The following IFT140 variants were observed in gnomAD, a reference collection of about 807,000 sequenced individuals.
IFT140 encodes intraflagellar transport protein 140 homolog.
IFT140 carries 133 observed loss-of-function variants against 164.6 expected under a neutral mutation model. The observed-to-expected ratio is 0.81, with a 90% CI of 0.70 to 0.93. IFT140 has a LOEUF of 0.93. IFT140 is among the 40% of genes least tolerant of loss of function. The pLI is 0.00. For synonymous variants in IFT140, 860 were observed against 817.3 expected, an observed-to-expected ratio of 1.05 and a Z score of -0.89; for missense variants, 2,045 against 1,972.3, an observed-to-expected ratio of 1.04 and a Z score of -0.70.
chr16:1,515,218 T>C (rs2141118300), intron 30 of IFT140, among the ~76,000 whole-genome samples: 2 of 152,030 alleles, frequency 1.3e-5, no homozygotes, highest in South Asian at 4.2e-4. Flanking sequence ...TGAAAACACC[T>C]AGGAACATCA....
chr16:1,596,501 G>C (rs1024615362), intron 4 of IFT140, among the ~76,000 whole-genome samples: 9 of 152,198 alleles, frequency 5.9e-5, no homozygotes, highest in Admixed American at 5.2e-4. Context: ...CTGCTGCTCT[G>C]GGGGAAGAGG....
At chr16:1,563,681 T>C (rs2033551225) in intron 17 of IFT140, among the ~76,000 whole-genome samples, 1 of 152,114 alleles carries the variant, frequency 6.6e-6, no homozygotes, top group Non-Finnish European at 1.5e-5. Context: ...GAGGTTACAG[T>C]GACGCTGCCA....
At chr16:1,586,514 G>A (rs1260720078) in intron 9 of IFT140, among the ~76,000 whole-genome samples, 2 of 152,040 alleles carry the variant, frequency 1.3e-5, no homozygotes, top group Non-Finnish European at 2.9e-5. Context: ...AGTTGGCCTG[G>A]CTCGGGGCTG....
Position 1,558,018 on chromosome 16 carries a change from G to A in IFT140, c.2316C>T (p.Thr772=), listed in dbSNP as rs2033199694. ...AGCTGAAGTGGAGCATGGCGTCCCG[G>A]GTGGCCTTGTCGCAGTCCTCCAGCC... ...FVGLEDCDKA[T]RDAMLHFSFF... is the part of the protein sequence containing the mutation. Residue 772 remains threonine (T), a synonymous_variant, in exon 19 of 31, where the codon ACC becomes ACT. Coordinates refer to ENST00000426508, the MANE Select transcript of IFT140 (RefSeq NM_014714.4). The A allele has an allele frequency of 1.2e-6, 2 of 1,613,848 alleles. No individual in the cohort carries two copies. Among genetic ancestry groups the A allele is most frequent in the Non-Finnish European group, 1.7e-6 (2 of 1,180,040 alleles).
At chr16:1,578,821 C>A (rs994607948) in intron 13 of IFT140, among the ~76,000 whole-genome samples, 1 of 152,232 alleles carries the variant, frequency 6.6e-6, no homozygotes, top group African/African-American at 2.4e-5. Flanking sequence ...AAGCCACCCT[C>A]CTGCCTCAGT....
At chr16:1,587,163 TTC>T in intron 9 of IFT140, 33 bp downstream of exon 9, 1 of 1,342,820 alleles carries the variant, frequency 7.4e-7, no homozygotes, top group Non-Finnish European at 1.1e-6. Context: ...TTGTGGTTGG[TTC>T]TGTTTCTCTT....
chr16:1,544,709 C>T (rs532922558), intron 19 of IFT140, among the ~76,000 whole-genome samples: 287 of 151,696 alleles, frequency 1.9e-3, no homozygotes, highest in Admixed American at 2.9e-3. Flanking sequence ...AGTGCAGTGG[C>T]GCGATCTCGG....
chr16:1,546,462 G>C (rs2032181220), intron 19 of IFT140, among the ~76,000 whole-genome samples: 1 of 152,212 alleles, frequency 6.6e-6, no homozygotes, highest in Non-Finnish European at 1.5e-5. Context: ...TGTGATCTGT[G>C]CAGTGGAGAG....
intron 13 of IFT140, chr16:1,576,628 G>A (rs1405531816): frequency 6.7e-6 from 1 of 149,608 alleles, no homozygotes; most frequent in African/African-American, 2.5e-5. Flanking sequence ...TTTTTTTGGA[G>A]ATTTGTAACA....
chr16:1,520,037 T>C lies in IFT140; in HGVS notation c.3884A>G (p.Asp1295Gly). ...FYDACAQVEI[D>G]EYQNYDKAHG... ...GGCTTTGTCGTAGTTCTGGTATTCA[T>C]CAATCTCCACCTGTACAGATGAAAC... The change falls in exon 29 of 31, where the codon GAT (aspartate) becomes GGT (glycine). Residue 1295 changes from aspartate (D) to glycine (G), a missense_variant. By Grantham distance (94) the Asp-to-Gly change is moderately conservative (BLOSUM62 -1). Transcript: ENST00000426508. 6.2e-7 allele frequency: 1 copy of C among 1,600,816 alleles called. No homozygotes were observed. Among genetic ancestry groups the C allele is most frequent in the Non-Finnish European group, 8.5e-7 (1 of 1,173,082 alleles).
At chr16:1,604,617 AGACAGGCCAG>A (rs2035967700) in intron 3 of IFT140, 1 of 152,494 alleles carries the variant, frequency 6.6e-6, no homozygotes, top group Non-Finnish European at 1.5e-5. Flanking sequence ...TGTGATGCCA[AGACAGGCCAG>A]GCCTGGTTGC....
chr16:1,568,438 A>G, intron 14 of IFT140, 104 bp from the exon 15 acceptor site: 1 of 924,360 alleles, frequency 1.1e-6, no homozygotes, highest in Non-Finnish European at 1.7e-6. Context: ...CACAGCTCTT[A>G]GGCTGCTTCT....
intron 18 of IFT140, among the ~76,000 whole-genome samples, chr16:1,561,372 C>A (rs1347894324): frequency 1.3e-5 from 2 of 152,316 alleles, no homozygotes; most frequent in South Asian, 2.1e-4. Flanking sequence ...TTCAAAAGAA[C>A]CTACTGGGGT....
intron 30 of IFT140, among the ~76,000 whole-genome samples, 162 bp from the exon 31 acceptor site, chr16:1,511,312 G>A (rs958335737): frequency 6.6e-6 from 1 of 152,210 alleles, no homozygotes; most frequent in Non-Finnish European, 1.5e-5. Flanking sequence ...ATGGGGGAAT[G>A]TGGTGATGAG....
intron 19 of IFT140, among the ~76,000 whole-genome samples, chr16:1,535,163 G>C (rs1313279890): frequency 1.3e-5 from 2 of 152,172 alleles, no homozygotes; most frequent in Non-Finnish European, 2.9e-5. Flanking sequence ...TTGAGGCAGA[G>C]AGCAGCAGCA....
At position 1,511,068 on chromosome 16, in the gene IFT140, G is replaced by C. The variant is rs2040127957; in HGVS notation, c.4265C>G (p.Ala1422Gly). 8 of 1,608,568 alleles carry C rather than the reference G, an allele frequency of 5.0e-6. No homozygotes were observed. Among genetic ancestry groups the C allele is most frequent in the Non-Finnish European group, 6.8e-6 (8 of 1,177,694 alleles). ...SYYVSPQAVD[A>G]VHRGLGLPLP... Reference sequence around the variant, plus strand: ...TGGGAGACCCAGCCCCCGGTGCACGGCGTCCACGGCCTGCGGGCTCACGTA... The same window carrying C: ...TGGGAGACCCAGCCCCCGGTGCACGCCGTCCACGGCCTGCGGGCTCACGTA... The change falls in exon 31 of 31, where the codon GCC (alanine) becomes GGC (glycine). Residue 1422 changes from alanine to glycine, a missense_variant. Coordinates refer to ENST00000426508, the MANE Select transcript of IFT140 (RefSeq NM_014714.4).
chr16:1,543,683 T>C (rs2031873840), intron 19 of IFT140, among the ~76,000 whole-genome samples: 1 of 152,332 alleles, frequency 6.6e-6, no homozygotes, highest in Non-Finnish European at 1.5e-5. Context: ...GACCTAGGAC[T>C]GACTCCGCCT....
At chr16:1,517,298 C>G (rs541046609) in intron 30 of IFT140, among the ~76,000 whole-genome samples, 2 of 150,380 alleles carry the variant, frequency 1.3e-5, no homozygotes, top group African/African-American at 4.9e-5. Context: ...TGCAGTGAGC[C>G]GAGATCGCGC....
intron 19 of IFT140, among the ~76,000 whole-genome samples, chr16:1,538,633 G>T (rs997918558): frequency 2.4e-4 from 36 of 152,278 alleles, no homozygotes; most frequent in African/African-American, 8.7e-4. Context: ...CCCTCATTTT[G>T]CAATGTTTAG....
Sources: gnomAD v4.1 joint callset for allele counts (sites outside exome capture counted in the v4.1 genomes callset) on GRCh38, gnomAD v4.1.1 for gene constraint, MANE v1.5 for transcripts, NCBI Gene and HGNC (gene_info 2026-07-23, HGNC 2026-07-21) for gene names.